NUP93: variants seen among roughly 807,000 people sequenced by gnomAD.
NUP93 encodes the protein nuclear pore complex protein Nup93.
A neutral mutation model predicts 107.8 loss-of-function variants in NUP93; 55 were observed. That is an observed-to-expected ratio of 0.51 (90% CI 0.41 to 0.64). The LOEUF is 0.64. NUP93 is among the 30% of genes least tolerant of loss of function. The pLI, the probability that NUP93 is intolerant of heterozygous loss-of-function variation, is 0.00. For missense variants in NUP93, 937 were observed against 1,044.7 expected, an observed-to-expected ratio of 0.90 and a Z score of 1.42; for synonymous variants, 390 against 397.5, an observed-to-expected ratio of 0.98 and a Z score of 0.22.
rs1964144102 is a variant in NUP93, at chr16:56,848,762, G to A, written c.*4153G>A. The A allele has an allele frequency of 6.6e-6, 1 of 152,250 alleles. No individual in the cohort carries two copies. The highest frequency in any genetic ancestry group is 6.5e-5 in the Admixed American group (1 of 15,284). The allele number at this position is 152,250 out of a possible 1,614,324, so 9.4% of individuals were successfully genotyped here. A position where few individuals can be genotyped will look rare whatever the true frequency, so the allele number is the denominator to read the frequency against. On this transcript the variant is annotated 3_prime_UTR_variant, in exon 22 of 22. Transcript: ENST00000308159. ...TGTATTTATCAGCCAAGATTCCATT[G>A]CAGCAGATGATTTCAAAACCTCTTT...
intron 3 of NUP93, among the ~76,000 whole-genome samples, chr16:56,778,119 G>A (rs1347853812): frequency 6.6e-6 from 1 of 152,178 alleles, no homozygotes; most frequent in African/African-American, 2.4e-5. Flanking sequence ...CTGAATGAGA[G>A]CGACACAGGA....
At chr16:56,798,592 G>A in intron 4 of NUP93, 54 bp downstream of exon 4, 1 of 1,419,608 alleles carries the variant, frequency 7.0e-7, no homozygotes, top group Non-Finnish European at 1.0e-6. Flanking sequence ...AGAGGGCTGG[G>A]CGTGGTGGCT....
chr16:56,832,519 C>A, intron 12 of NUP93, 131 bp downstream of exon 12: 2 of 656,068 alleles, frequency 3.0e-6, no homozygotes. Flanking sequence ...ATTGTCAAGG[C>A]AAAACACAAC....
chr16:56,832,133 C>T (rs2144631656), intron 11 of NUP93, 126 bp downstream of exon 11: 1 of 1,292,450 alleles, frequency 7.7e-7, no homozygotes. Context: ...TTCCTCGTCT[C>T]CTGTCCCCAT....
intron 3 of NUP93, among the ~76,000 whole-genome samples, chr16:56,784,300 T>C (rs878986398): frequency 2.6e-5 from 4 of 152,232 alleles, no homozygotes; most frequent in Admixed American, 6.5e-5. Context: ...CTCTTGTTTT[T>C]AATGAAAATG....
Position 56,839,025 on chromosome 16 carries a change from T to G in NUP93, c.2092T>G (p.Phe698Val), listed in dbSNP as rs767011232. ...CTATCTTCTTTTGGACTTGATCACC[T>G]TTTTTGACGAGTATCATAGTGGTCA... ...TFYLLLDLIT[F>V]FDEYHSGHID... is the part of the protein sequence containing the mutation. The change falls in exon 19 of 22, where the codon TTT becomes GTT. Residue 698 changes from phenylalanine (F) to valine (V), a missense_variant. Phe to Val is a conservative substitution (Grantham distance 50). Coordinates refer to ENST00000308159, the MANE Select transcript of NUP93 (RefSeq NM_014669.5). 6 of 1,612,720 alleles carry G rather than the reference T, an allele frequency of 3.7e-6. No individual in the cohort carries two copies. The highest frequency in any genetic ancestry group is 5.1e-6 in the Non-Finnish European group (6 of 1,178,990).
intron 7 of NUP93, among the ~76,000 whole-genome samples, chr16:56,823,137 T>A (rs1456148587): frequency 1.4e-4 from 22 of 152,166 alleles, no homozygotes; most frequent in Non-Finnish European, 2.6e-4. Context: ...CACCCGCTCC[T>A]TTCCTGGGAG....
chr16:56,744,780 G>C (rs1051666949), intron 1 of NUP93, among the ~76,000 whole-genome samples: 1 of 152,174 alleles, frequency 6.6e-6, no homozygotes, highest in African/African-American at 2.4e-5. Flanking sequence ...ATGCCATTTA[G>C]ACTGTCACTG....
At position 56,829,106 on chromosome 16, in the gene NUP93, A is replaced by G. The variant is rs752990421; in HGVS notation, c.924A>G (p.Leu308=). Residue 308 remains leucine, a synonymous_variant, in exon 9 of 22, where the codon CTA becomes CTG. Coordinates refer to ENST00000308159, the MANE Select transcript of NUP93 (RefSeq NM_014669.5). ...NIKLPAPLPG[L]QDGEVEGHPV... ...AACTGCCAGCTCCCTTGCCTGGACT[A>G]CAGGTACTGACAACTTTCTCTGTGT... 1.4e-5 allele frequency: 23 copies of G among 1,610,812 alleles called. No individual in the cohort carries two copies. In the African/African-American group the frequency reaches 2.3e-4, roughly 16 times the overall value.
At chr16:56,836,744 G>A (rs1963920914) in intron 17 of NUP93, 27 bp downstream of exon 17, 1 of 1,439,774 alleles carries the variant, frequency 6.9e-7, no homozygotes, top group Admixed American at 1.7e-5. Flanking sequence ...TCCTTCTTTT[G>A]CACTTCACAG....
intron 7 of NUP93, among the ~76,000 whole-genome samples, chr16:56,822,855 C>A (rs1449776785): frequency 6.6e-6 from 1 of 152,102 alleles, no homozygotes; most frequent in Non-Finnish European, 1.5e-5. Context: ...CAGGTTTCAC[C>A]AATCATTCCA....
At chr16:56,832,185 C>A in intron 11 of NUP93, 110 bp from the exon 12 acceptor site, 1 of 1,251,836 alleles carries the variant, frequency 8.0e-7, no homozygotes, top group Non-Finnish European at 1.2e-6. Flanking sequence ...TAGCCTTAAA[C>A]ACAGCTTCTA....
chr16:56,820,270 T>C (rs1963516313), intron 6 of NUP93, among the ~76,000 whole-genome samples: 1 of 152,192 alleles, frequency 6.6e-6, no homozygotes, highest in African/African-American at 2.4e-5. Context: ...GCTCATTGAG[T>C]GAATAAGTAC....
At chr16:56,807,790 A>G (rs1486443661) in intron 5 of NUP93, among the ~76,000 whole-genome samples, 1 of 151,858 alleles carries the variant, frequency 6.6e-6, no homozygotes, top group African/African-American at 2.4e-5. Flanking sequence ...TGGGAGGCCA[A>G]GGAGGGTGGA....
rs773317834 is a variant in NUP93 at position 56,833,330 on chromosome 16, C to T, written c.1461C>T (p.Cys487=). 1.2e-5 allele frequency: 19 copies of T among 1,606,396 alleles called. No individual in the cohort carries two copies. The East Asian group carries it at 2.5e-4, about 21-fold the overall frequency. The change falls in exon 13 of 22, where the codon TGC becomes TGT. Residue 487 remains cysteine, a synonymous_variant. Transcript: ENST00000308159. ...AFLFRMERLR[C]HAVHVALVLF... is the part of the protein sequence containing the mutation. ...TTTTCCGCATGGAGCGGCTGCGCTG[C>T]CATGCTGTCCATGTAGCACTGGTGC...
At chr16:56,767,321 G>A (rs1452086817) in intron 3 of NUP93, among the ~76,000 whole-genome samples, 7 of 152,224 alleles carry the variant, frequency 4.6e-5, no homozygotes, top group African/African-American at 1.4e-4. Context: ...AGGGCTGGGC[G>A]TGACACAGCT....
chr16:56,809,201 C>T (rs1963258794), intron 5 of NUP93, among the ~76,000 whole-genome samples: 1 of 152,112 alleles, frequency 6.6e-6, no homozygotes, highest in African/African-American at 2.4e-5. Context: ...CCAGGGCTTG[C>T]CACACATTTA....
chr16:56,840,139 G>A (rs1381144247), intron 20 of NUP93, among the ~76,000 whole-genome samples: 2 of 152,134 alleles, frequency 1.3e-5, no homozygotes, highest in African/African-American at 4.8e-5. Flanking sequence ...TCCTGCCTCA[G>A]CCTCACGAGT....
chr16:56,740,165 C>T (rs1448548878), intron 1 of NUP93, among the ~76,000 whole-genome samples: 44 of 144,088 alleles, frequency 3.1e-4, no homozygotes, highest in Middle Eastern at 3.6e-3. Context: ...GGCTGCCGGG[C>T]GGAGACGCTC....
Sources: gnomAD v4.1 joint callset for allele counts (sites outside exome capture counted in the v4.1 genomes callset) on GRCh38, gnomAD v4.1.1 for gene constraint, MANE v1.5 for transcripts, NCBI Gene and HGNC (gene_info 2026-07-23, HGNC 2026-07-21) for gene names.